Variants in MEF2D observed in about 807,000 individuals in gnomAD.
MEF2D encodes myocyte enhancer factor 2D.
MEF2D carries 10 observed loss-of-function variants against 59.3 expected under a neutral mutation model. The observed-to-expected ratio is 0.17, with a 90% confidence interval of 0.10 to 0.29. MEF2D has a LOEUF of 0.29. MEF2D is among the 10% of genes least tolerant of loss of function. The pLI is 1.00. For synonymous variants in MEF2D, 305 were observed against 295.0 expected, an observed-to-expected ratio of 1.03 and a Z score of -0.35; for missense variants, 508 against 699.4, an observed-to-expected ratio of 0.73 and a Z score of 3.09.
intron 9 of MEF2D, among the ~76,000 whole-genome samples, chr1:156,473,581 C>T (rs995664347): frequency 1.3e-5 from 2 of 152,328 alleles, no homozygotes; most frequent in Non-Finnish European, 2.9e-5. Context: ...TCCTTACTGG[C>T]AAGTCCTTCT....
chr1:156,477,598 G>A (rs981298748), intron 6 of MEF2D, among the ~76,000 whole-genome samples: 2 of 152,148 alleles, frequency 1.3e-5, no homozygotes, highest in Admixed American at 6.5e-5. Context: ...AGCATTTTTA[G>A]GTCCCACAGT....
rs762451802 is a variant in MEF2D, at chr1:156,476,558, G to A, written c.856-44C>T. The A allele has an allele frequency of 6.3e-6, 10 of 1,599,788 alleles. No individual in the cohort carries two copies. In the Admixed American group the frequency reaches 8.7e-5, roughly 14 times the overall value. ...CCAAGGGGATGTTCAGTCTCTGGCC[G>A]CTGCCCTCCCCCACACCTCTGTCCC... On this transcript the variant is annotated intron_variant, in intron 7 of 11. Transcript: ENST00000348159.
At chr1:156,479,528 C>G (rs1671843216) in intron 5 of MEF2D, 58 bp downstream of exon 5, 1 of 1,539,432 alleles carries the variant, frequency 6.5e-7, no homozygotes, top group African/African-American at 1.4e-5. Flanking sequence ...AAATGGAATC[C>G]CAAAGTCCCC....
In MEF2D at chr1:156,468,953, T is replaced by C; in HGVS notation, c.1074A>G (p.Leu358=). 1 of 1,613,866 alleles carries C rather than the reference T, an allele frequency of 6.2e-7. No homozygotes were observed. The highest frequency in any genetic ancestry group is 2.2e-5 in the East Asian group (1 of 44,882). Reference sequence around the variant, plus strand: ...GCTGTTGCCAGGCAGTGACATTGCCTAGCGACAGCCCCCCAGGTGAACTAA... The same window carrying C: ...GCTGTTGCCAGGCAGTGACATTGCCCAGCGACAGCCCCCCAGGTGAACTAA... ...PAFSSPGGLS[L]GNVTAWQQPQ... Residue 358 remains leucine, a synonymous_variant, in exon 10 of 12, where the codon CTA becomes CTG. Transcript: ENST00000348159. The surrounding 1 kb of genome is among the most constrained non-coding windows in gnomAD (Gnocchi z 4.3).
At chr1:156,471,031 G>T (rs1337457817) in intron 9 of MEF2D, among the ~76,000 whole-genome samples, 2 of 152,178 alleles carry the variant, frequency 1.3e-5, no homozygotes, top group African/African-American at 4.8e-5. Flanking sequence ...AGCAAGGGCA[G>T]AAACGGGCCC....
At chr1:156,496,025 G>A (rs568401619) in intron 1 of MEF2D, among the ~76,000 whole-genome samples, 2 of 152,246 alleles carry the variant, frequency 1.3e-5, no homozygotes, top group African/African-American at 2.4e-5. Flanking sequence ...AGTGCCTCCC[G>A]CCCCCTTGGC....
intron 1 of MEF2D, among the ~76,000 whole-genome samples, chr1:156,486,393 G>T (rs1184342102): frequency 2.6e-5 from 4 of 152,134 alleles, no homozygotes; most frequent in Non-Finnish European, 5.9e-5. Context: ...CAAGGGGAGG[G>T]GGCTACAAAT....
intron 1 of MEF2D, among the ~76,000 whole-genome samples, chr1:156,485,530 T>G (rs865990899): frequency 7.9e-5 from 12 of 151,408 alleles, no homozygotes; most frequent in African/African-American, 2.9e-4. Context: ...TTCTTTTTTT[T>G]TTTTTTTTTT....
chr1:156,489,289 C>T (rs754055878), intron 1 of MEF2D, among the ~76,000 whole-genome samples: 4 of 152,120 alleles, frequency 2.6e-5, no homozygotes, highest in Non-Finnish European at 5.9e-5. Flanking sequence ...AAGCAGCAGG[C>T]GCTGGGGGAG....
At chr1:156,500,255 G>A (rs565018059) in intron 1 of MEF2D, among the ~76,000 whole-genome samples, 1 of 152,104 alleles carries the variant, frequency 6.6e-6, no homozygotes, top group Non-Finnish European at 1.5e-5. Flanking sequence ...GGGAATTGCA[G>A]CCCACTCCAC....
At chr1:156,492,985 T>C (rs1157536680) in intron 1 of MEF2D, among the ~76,000 whole-genome samples, 1 of 152,176 alleles carries the variant, frequency 6.6e-6, no homozygotes, top group Admixed American at 6.5e-5. Flanking sequence ...AAGAGCAGGC[T>C]GAAGAGATAA....
chr1:156,499,585 GA>G (rs1673354805), intron 1 of MEF2D: 1 of 152,142 alleles, frequency 6.6e-6, no homozygotes, highest in Non-Finnish European at 1.5e-5. Flanking sequence ...GCTGGCATTG[GA>G]GTGGGGGACT....
rs547034827 is a variant in MEF2D at position 156,464,283 on chromosome 1, C to G, written c.*3362G>C. 2.0e-5 allele frequency: 3 copies of G among 152,334 alleles called. No individual in the cohort carries two copies. The South Asian group carries it at 6.2e-4, about 32-fold the overall frequency. The allele number at this position is 152,334 out of a possible 1,614,324, so 9.4% of individuals were successfully genotyped here. Reference sequence around the variant, plus strand: ...ATAGAGATATAGATATTTCTAGATACACTTTTACATTTCTGTCTCTCCAAA... The same window carrying G: ...ATAGAGATATAGATATTTCTAGATAGACTTTTACATTTCTGTCTCTCCAAA... On this transcript the variant is annotated 3_prime_UTR_variant, in exon 12 of 12. Transcript: ENST00000348159.
Position 156,466,225 on chromosome 1 carries a change from G to A in MEF2D, c.*1420C>T, listed in dbSNP as rs1220072206. 1 of 152,544 alleles carries A rather than the reference G, an allele frequency of 6.6e-6. No homozygotes were observed. Among genetic ancestry groups the A allele is most frequent in the Non-Finnish European group, 1.5e-5 (1 of 68,064 alleles). The allele number at this position is 152,544 out of a possible 1,614,324, so 9.4% of individuals were successfully genotyped here. On this transcript the variant is annotated 3_prime_UTR_variant, in exon 12 of 12. Coordinates refer to ENST00000348159, the MANE Select transcript of MEF2D (RefSeq NM_005920.4). Reference sequence around the variant, plus strand: ...CAGAAGAATCTCGTCTGTACAGTACGGGCCGTTTGAGTCATTATTATTACA... The same window carrying A: ...CAGAAGAATCTCGTCTGTACAGTACAGGCCGTTTGAGTCATTATTATTACA...
At chr1:156,476,557 C>T (rs200467906) in intron 7 of MEF2D, 43 bp from the exon 8 acceptor site, 40 of 1,600,054 alleles carry the variant, frequency 2.5e-5, no homozygotes, top group Middle Eastern at 1.6e-4. Flanking sequence ...AGTCTCTGGC[C>T]GCTGCCCTCC....
At chr1:156,471,975 A>T (rs1671260738) in intron 9 of MEF2D, among the ~76,000 whole-genome samples, 1 of 152,344 alleles carries the variant, frequency 6.6e-6, no homozygotes, top group African/African-American at 2.4e-5. Flanking sequence ...CTTTCATGCC[A>T]GAGTGACAGA....
chr1:156,480,832 A>C lies in MEF2D; in HGVS notation c.396+2T>G. ...AACAGAGACAGAGTGAGTGGGGCTC[A>C]CCCCATAGCGCCGGAAGAGCCCGTC... On this transcript the variant is annotated splice_donor_variant, in intron 4 of 11. Transcript: ENST00000348159. LOFTEE classifies it high-confidence loss of function. 1 of 1,591,560 alleles carries C rather than the reference A, an allele frequency of 6.3e-7. No individual in the cohort carries two copies. Among genetic ancestry groups the C allele is most frequent in the Non-Finnish European group, 8.5e-7 (1 of 1,169,686 alleles).
In MEF2D at chr1:156,468,890, T is replaced by C. The variant is rs770652636; in HGVS notation, c.1137A>G (p.Pro379=). The C allele has an allele frequency of 3.1e-6, 5 of 1,613,456 alleles. No individual in the cohort carries two copies. The change falls in exon 10 of 12, where the codon CCA becomes CCG. Residue 379 remains proline, a synonymous_variant. Transcript: ENST00000348159. This position sits in a 1 kb window ranked among gnomAD's most constrained non-coding sequence, Gnocchi z 4.3. ...QPQQPQQPQP[P]QQQPPQPQQP... ...GCTGTGGCTGCGGTGGCTGCTGCTG[T>C]GGAGGCTGTGGCTGCTGCGGCTGCT...
intron 4 of MEF2D, chr1:156,480,614 G>A (rs1445911552): frequency 1.3e-6 from 2 of 1,532,760 alleles, no homozygotes; most frequent in Admixed American, 4.0e-5. Flanking sequence ...ATGCACCACA[G>A]GGAGGCTCTG....
Sources: allele counts gnomAD v4.1 joint callset (sites outside exome capture counted in the v4.1 genomes callset), GRCh38; gene constraint gnomAD v4.1.1; non-coding constraint Gnocchi (gnomAD v3.1); transcripts MANE v1.5; gene names NCBI Gene and HGNC (gene_info 2026-07-23, HGNC 2026-07-21).